Variants in MALRD1 observed in about 807,000 individuals in gnomAD.
The protein encoded by MALRD1 is MAM and LDL-receptor class A domain-containing protein 1.
In MALRD1, 247 loss-of-function variants were observed where a neutral mutation model predicts 242.1. The observed-to-expected ratio is 1.02, with a 90% CI of 0.92 to 1.13. MALRD1 has a LOEUF of 1.13. Among genes scored for constraint, MALRD1 ranks in the 50% most tolerant of loss-of-function variants. The pLI, the probability that MALRD1 is intolerant of heterozygous loss-of-function variation, is 0.00. For missense variants in MALRD1, 2,989 were observed against 2,533.1 expected, an observed-to-expected ratio of 1.18 and a Z score of -3.86; for synonymous variants, 995 against 866.6, an observed-to-expected ratio of 1.15 and a Z score of -2.60.
chr10:19,165,348 T>C (rs989584721), intron 12 of MALRD1, among the ~76,000 whole-genome samples: 4 of 150,594 alleles, frequency 2.7e-5, no homozygotes, highest in Non-Finnish European at 5.9e-5. Context: ...TTGCCCAGGC[T>C]GGAGTGCAAT....
intron 26 of MALRD1, among the ~76,000 whole-genome samples, chr10:19,367,487 T>C (rs1041493999): frequency 1.3e-5 from 2 of 152,180 alleles, no homozygotes; most frequent in Non-Finnish European, 2.9e-5. Flanking sequence ...TGCATATTTT[T>C]ACCACATTTT....
chr10:19,212,237 T>C (rs2782327), intron 18 of MALRD1, among the ~76,000 whole-genome samples: 131,820 of 152,222 alleles, frequency 0.87, 57,191 homozygotes, highest in African/African-American at 0.92. Flanking sequence ...ATACATTTCT[T>C]TGGCCCCTCA....
chr10:19,324,984 A>T (rs1483628632), intron 22 of MALRD1, among the ~76,000 whole-genome samples: 2 of 145,112 alleles, frequency 1.4e-5, no homozygotes, highest in Middle Eastern at 3.4e-3. Flanking sequence ...TTTTACCCAC[A>T]AATTTTTGCC....
rs1305539480 is a variant in MALRD1 at position 19,331,497 on chromosome 10, T to C, written c.3816T>C (p.Ala1272=). The change falls in exon 24 of 40, where the codon GCT becomes GCC. Residue 1272 remains alanine (A), a synonymous_variant. Coordinates refer to ENST00000454679, the MANE Select transcript of MALRD1 (RefSeq NM_001142308.3). Reference sequence around the variant, plus strand: ...GTACTGATCATGAATTCATGTGTGCTAATAAGCACTGCATTGCCAAAGACA... The same window carrying C: ...GTACTGATCATGAATTCATGTGTGCCAATAAGCACTGCATTGCCAAAGACA... The part of the protein sequence containing the change: ...RKCTDHEFMC[A]NKHCIAKDKL... The C allele has an allele frequency of 6.5e-7, 1 of 1,550,328 alleles. No individual in the cohort carries two copies. The highest frequency in any genetic ancestry group is 8.7e-7 in the Non-Finnish European group (1 of 1,146,838).
chr10:19,190,894 T>C (rs1451018917), intron 14 of MALRD1, among the ~76,000 whole-genome samples: 1 of 152,142 alleles, frequency 6.6e-6, no homozygotes, highest in Non-Finnish European at 1.5e-5. Flanking sequence ...ATGCTGTGTC[T>C]GTCAATGATT....
chr10:19,517,159 T>C (rs1313336832), intron 31 of MALRD1, among the ~76,000 whole-genome samples: 1 of 152,212 alleles, frequency 6.6e-6, no homozygotes, highest in African/African-American at 2.4e-5. Flanking sequence ...ATTAAGACTG[T>C]AGACTTTTGG....
chr10:19,210,580 C>CT (rs34514214), intron 18 of MALRD1, among the ~76,000 whole-genome samples: 2 of 152,324 alleles, frequency 1.3e-5, no homozygotes, highest in Admixed American at 6.5e-5. Flanking sequence ...CCTGGCTAAA[C>CT]TTTTTTTGCA....
At chr10:19,609,133 G>A (rs953100444) in intron 35 of MALRD1, among the ~76,000 whole-genome samples, 7 of 151,988 alleles carry the variant, frequency 4.6e-5, no homozygotes, top group Non-Finnish European at 2.9e-5. Context: ...AAAAACAGAA[G>A]ACTTGTCATT....
intron 21 of MALRD1, among the ~76,000 whole-genome samples, chr10:19,299,134 A>G (rs1168357827): frequency 6.6e-6 from 1 of 152,018 alleles, no homozygotes; most frequent in East Asian, 1.9e-4. Context: ...ATAAATGTAC[A>G]AATTAATTTA....
In MALRD1 at chr10:19,725,720, G is replaced by A. The variant is rs145110264; in HGVS notation, c.6315-4986G>A. Among the ~76,000 whole-genome samples, 505 of 152,164 alleles carry A rather than the reference G, an allele frequency of 3.3e-3. 2 individuals are homozygous for A. Among genetic ancestry groups the A allele is most frequent in the African/African-American group, 0.011 (466 of 41,524 alleles). On this transcript the variant is annotated intron_variant, in intron 38 of 39. Coordinates refer to ENST00000454679, the MANE Select transcript of MALRD1 (RefSeq NM_001142308.3). ...ACAGTAAACAAAACAGTGTGGTATC[G>A]GCATGAGGCATGAGAACAGACATAT...
At chr10:19,318,894 C>T (rs1842810178) in intron 21 of MALRD1, among the ~76,000 whole-genome samples, 1 of 151,672 alleles carries the variant, frequency 6.6e-6, no homozygotes, top group African/African-American at 2.4e-5. Flanking sequence ...AATATATCAA[C>T]ATTTTGGGAT....
At chr10:19,051,727 A>T (rs573791032) in intron 1 of MALRD1, 3 of 154,654 alleles carry the variant, frequency 1.9e-5, no homozygotes, top group African/African-American at 7.2e-5. Context: ...GATGGAGACC[A>T]TCCTGGCTCA....
At chr10:19,716,342 C>T (rs929241916) in intron 38 of MALRD1, among the ~76,000 whole-genome samples, 2 of 152,070 alleles carry the variant, frequency 1.3e-5, no homozygotes, top group Non-Finnish European at 2.9e-5. Flanking sequence ...ACCATCCCCC[C>T]CAGTGCTGTT....
intron 33 of MALRD1, among the ~76,000 whole-genome samples, chr10:19,570,704 G>A (rs540989399): frequency 6.6e-6 from 1 of 151,964 alleles, no homozygotes; most frequent in African/African-American, 2.4e-5. Context: ...GTAAAGAAAA[G>A]TGTGAAACCA....
intron 28 of MALRD1, among the ~76,000 whole-genome samples, chr10:19,418,055 G>T (rs1833578027): frequency 1.3e-5 from 2 of 151,844 alleles, no homozygotes; most frequent in Non-Finnish European, 2.9e-5. Context: ...TCTAAGAAAA[G>T]TCTTGACAAA....
chr10:19,251,286 G>T (rs1839281740), intron 18 of MALRD1, among the ~76,000 whole-genome samples: 5 of 152,004 alleles, frequency 3.3e-5, no homozygotes, highest in Admixed American at 3.3e-4. Flanking sequence ...CAGCCTTTGA[G>T]CAAAGGGCGT....
chr10:19,310,910 G>A (rs1842399431), intron 21 of MALRD1, among the ~76,000 whole-genome samples: 2 of 151,388 alleles, frequency 1.3e-5, no homozygotes, highest in African/African-American at 4.8e-5. Context: ...ACTCCCGCAT[G>A]AGTCTGTAAG....
chr10:19,318,771 A>G (rs1475504092), intron 21 of MALRD1, among the ~76,000 whole-genome samples: 1 of 151,792 alleles, frequency 6.6e-6, no homozygotes, highest in Non-Finnish European at 1.5e-5. Context: ...TTATATTTTT[A>G]TTACACATGT....
intron 11 of MALRD1, among the ~76,000 whole-genome samples, chr10:19,151,709 C>T (rs184839703): frequency 6.6e-6 from 1 of 151,962 alleles, no homozygotes; most frequent in East Asian, 1.9e-4. Flanking sequence ...CAAGAGTGTG[C>T]TTTTTAAAAA....
Sources: gnomAD v4.1 joint callset for allele counts (sites outside exome capture counted in the v4.1 genomes callset) on GRCh38, gnomAD v4.1.1 for gene constraint, MANE v1.5 for transcripts, NCBI Gene and HGNC (gene_info 2026-07-23, HGNC 2026-07-21) for gene names.